The following PIEZO2 variants were observed in gnomAD, a reference collection of about 807,000 sequenced individuals.
The protein encoded by PIEZO2 is piezo-type mechanosensitive ion channel component 2.
A neutral mutation model predicts 337.3 loss-of-function variants in PIEZO2; 172 were observed. The ratio of observed to expected loss-of-function variants is 0.51; its 90% CI spans 0.45 to 0.58. The LOEUF (loss-of-function observed/expected upper bound fraction) is 0.58. Among genes scored for constraint, PIEZO2 ranks in the 20% least tolerant of loss-of-function variants. PIEZO2 has a pLI of 0.00. For missense variants in PIEZO2, 3,028 were observed against 3,391.3 expected, an observed-to-expected ratio of 0.89 and a Z score of 2.66; for synonymous variants, 1,251 against 1,228.5, an observed-to-expected ratio of 1.02 and a Z score of -0.38.
intron 5 of PIEZO2, among the ~76,000 whole-genome samples, chr18:10,860,877 A>AAAATC (rs1568138769): frequency 6.6e-6 from 1 of 152,218 alleles, no homozygotes; most frequent in Non-Finnish European, 1.5e-5. Context: ...GATTTTTATA[A>AAAATC]ACATACCACT....
chr18:10,876,643 A>C (rs886696334), intron 4 of PIEZO2, among the ~76,000 whole-genome samples: 4 of 152,202 alleles, frequency 2.6e-5, no homozygotes, highest in African/African-American at 4.8e-5. Flanking sequence ...TGAGAATTAG[A>C]AATAGTCTAG....
rs1287115342 is a variant in PIEZO2 at position 11,131,900 on chromosome 18, G to C, written c.64+16625C>G. 6.6e-6 allele frequency among the ~76,000 whole-genome samples: 1 copy of C among 152,162 alleles called. No homozygotes were observed. The highest frequency in any genetic ancestry group is 1.5e-5 in the Non-Finnish European group (1 of 68,030). On this transcript the variant is annotated intron_variant, in intron 1 of 55. Coordinates refer to ENST00000674853, the MANE Select transcript of PIEZO2 (RefSeq NM_001378183.1). The surrounding 1 kb of genome is among the most constrained non-coding windows in gnomAD (Gnocchi z 5.3). The stretch of plus-strand genomic sequence containing the variant: ...AGCCTCTTTCCCCAGCCACCCAATG[G>C]GCCCATGAACAAAGGGGCCATGGTG...
At position 10,828,920 on chromosome 18, in the gene PIEZO2, C is replaced by T. The variant is rs1055833881; in HGVS notation, c.918-21646G>A. 8.5e-5 allele frequency among the ~76,000 whole-genome samples: 13 copies of T among 152,174 alleles called. No individual in the cohort carries two copies. The highest frequency in any genetic ancestry group is 2.9e-4 in the African/African-American group (12 of 41,430). On this transcript the variant is annotated intron_variant, in intron 7 of 55. Coordinates refer to ENST00000674853, the MANE Select transcript of PIEZO2 (RefSeq NM_001378183.1). The surrounding 1 kb of genome is among the most constrained non-coding windows in gnomAD (Gnocchi z 4.1). The stretch of plus-strand genomic sequence containing the variant: ...TTGCTGCTGGTTCATGCTGCTGCTT[C>T]CTCCAGGAAGCCTTTCCTCAGCATG...
At chr18:10,967,203 GA>G (rs1303273298) in intron 3 of PIEZO2, among the ~76,000 whole-genome samples, 2 of 151,794 alleles carry the variant, frequency 1.3e-5, no homozygotes, top group African/African-American at 4.8e-5. Context: ...ATTTTCAGTA[GA>G]GACAAGATTT....
At position 10,676,749 on chromosome 18, in the gene PIEZO2, A is replaced by C. The variant is rs987081766; in HGVS notation, c.8081+998T>G. Among the ~76,000 whole-genome samples the C allele has an allele frequency of 6.6e-6, 1 of 152,186 alleles. No homozygotes were observed. The highest frequency in any genetic ancestry group is 2.4e-5 in the African/African-American group (1 of 41,436). On this transcript the variant is annotated intron_variant, in intron 53 of 55. Coordinates refer to ENST00000674853, the MANE Select transcript of PIEZO2 (RefSeq NM_001378183.1). This position sits in a 1 kb window ranked among gnomAD's most constrained non-coding sequence, Gnocchi z 5.1. ...ATGTGCTTGACACTAGTGGCTCCCTAAGAAGGAACCTTGAGCCCCACCTCT... is the reference window on the plus strand; with the variant it reads ...ATGTGCTTGACACTAGTGGCTCCCTCAGAAGGAACCTTGAGCCCCACCTCT...
chr18:10,742,018 G>A (rs1028602238), intron 32 of PIEZO2, among the ~76,000 whole-genome samples: 1 of 152,222 alleles, frequency 6.6e-6, no homozygotes. Context: ...AGCCGGGCGT[G>A]GTGGCGGGCA....
chr18:10,959,906 T>C (rs1255466248), intron 3 of PIEZO2, among the ~76,000 whole-genome samples: 1 of 152,180 alleles, frequency 6.6e-6, no homozygotes, highest in Non-Finnish European at 1.5e-5. Flanking sequence ...AAGAAAGAAA[T>C]AGAGACAGCT....
chr18:10,800,348 T>C lies in PIEZO2; in HGVS notation c.1367A>G (p.Asp456Gly). The C allele has an allele frequency of 6.5e-7, 1 of 1,535,116 alleles. No individual in the cohort carries two copies. Among genetic ancestry groups the C allele is most frequent in the East Asian group, 2.5e-5 (1 of 40,698 alleles). ...STPQYRWEPS[D>G]ESSEKREEEE... Reference sequence around the variant, plus strand: ...GGGCTGGCTCCTACCTGAGGATTCATCAGAGGGCTCCCACCGGTACTGAGG... The same window carrying C: ...GGGCTGGCTCCTACCTGAGGATTCACCAGAGGGCTCCCACCGGTACTGAGG... Residue 456 changes from aspartate to glycine, a missense_variant, in exon 11 of 56, where the codon GAT (aspartate) becomes GGT (glycine). This residue lies in a region of PIEZO2 where 542 missense variants were observed against 605.6 expected (regional missense o/e 0.89). Transcript: ENST00000674853.
chr18:10,718,083 A>G (rs2036087225), intron 37 of PIEZO2, 117 bp downstream of exon 37: 1 of 875,406 alleles, frequency 1.1e-6, no homozygotes. Flanking sequence ...TTATTTACTC[A>G]TAGTCCAGAA....
intron 20 of PIEZO2, 130 bp from the exon 21 acceptor site, chr18:10,770,438 C>G: frequency 1.2e-6 from 1 of 864,774 alleles, no homozygotes; most frequent in Non-Finnish European, 1.7e-6. Context: ...CTAAGAAAAC[C>G]AAAATCTGGA....
chr18:10,729,355 G>T (rs2036670854), intron 36 of PIEZO2, among the ~76,000 whole-genome samples: 1 of 152,148 alleles, frequency 6.6e-6, no homozygotes, highest in Non-Finnish European at 1.5e-5. Flanking sequence ...GCCGGGCACA[G>T]TGGCTCACGC....
intron 9 of PIEZO2, among the ~76,000 whole-genome samples, chr18:10,802,855 C>T (rs1422491905): frequency 6.6e-6 from 1 of 151,880 alleles, no homozygotes; most frequent in African/African-American, 2.4e-5. Flanking sequence ...GCCTGTAGTC[C>T]CAGCTACTTG....
rs2042100834 is a variant in PIEZO2, at chr18:10,870,006, G to T, written c.492+1247C>A. Among the ~76,000 whole-genome samples the T allele has an allele frequency of 6.6e-6, 1 of 152,050 alleles. No homozygotes were observed. Among genetic ancestry groups the T allele is most frequent in the Non-Finnish European group, 1.5e-5 (1 of 68,018 alleles). On this transcript the variant is annotated intron_variant, in intron 5 of 55. Transcript: ENST00000674853. The surrounding 1 kb of genome is among the most constrained non-coding windows in gnomAD (Gnocchi z 5.3). ...TTCTCCTGCCTCAGCTTCCTGAGTA[G>T]CTAGAATTACAGGCAAGCACCATCA...
At position 10,781,079 on chromosome 18, in the gene PIEZO2, A is replaced by G. The variant is rs2038965470; in HGVS notation, c.2493-713T>C. Among the ~76,000 whole-genome samples, 1 of 152,112 alleles carries G rather than the reference A, an allele frequency of 6.6e-6. No homozygotes were observed. Among genetic ancestry groups the G allele is most frequent in the Non-Finnish European group, 1.5e-5 (1 of 68,016 alleles). On this transcript the variant is annotated intron_variant, in intron 17 of 55. Coordinates refer to ENST00000674853, the MANE Select transcript of PIEZO2 (RefSeq NM_001378183.1). The surrounding 1 kb of genome is among the most constrained non-coding windows in gnomAD (Gnocchi z 4.1). ...GCCATATTCAACATGTTGTTTTCTA[A>G]GGTTTTGCTAAAACTATAGTTTAAA...
chr18:10,805,739 T>C (rs1263359409), intron 8 of PIEZO2, among the ~76,000 whole-genome samples: 1 of 152,200 alleles, frequency 6.6e-6, no homozygotes, highest in African/African-American at 2.4e-5. Context: ...ATCAGTGGCC[T>C]AAAAGAAAGA....
chr18:10,891,371 T>C (rs979346843), intron 4 of PIEZO2, among the ~76,000 whole-genome samples: 2 of 152,182 alleles, frequency 1.3e-5, no homozygotes, highest in Non-Finnish European at 2.9e-5. Context: ...AGTAAAAAGT[T>C]TGACTACCAT....
In PIEZO2 at chr18:10,954,328, T is replaced by C. The variant is rs923925716; in HGVS notation, c.286+25207A>G. On this transcript the variant is annotated intron_variant, in intron 3 of 55. Coordinates refer to ENST00000674853, the MANE Select transcript of PIEZO2 (RefSeq NM_001378183.1). The surrounding 1 kb of genome is among the most constrained non-coding windows in gnomAD (Gnocchi z 4.2). ...TCCATGAACACAATGTATCTCTGCATTTATTTAGGGTTTGTTTCATTTATT... is the reference window on the plus strand; with the variant it reads ...TCCATGAACACAATGTATCTCTGCACTTATTTAGGGTTTGTTTCATTTATT... 3.9e-5 allele frequency among the ~76,000 whole-genome samples: 6 copies of C among 152,294 alleles called. No homozygotes were observed. The East Asian group carries it at 7.7e-4, about 20-fold the overall frequency.
In PIEZO2 at chr18:10,677,918, A is replaced by T. The variant is rs758934516; in HGVS notation, c.7953-43T>A. ...AAGCTTAATGTCAGTGATTATTCAG[A>T]AGTCTGGAAAAGAGATTTACAACAT... On this transcript the variant is annotated intron_variant, in intron 52 of 55. Transcript: ENST00000674853. This position sits in a 1 kb window ranked among gnomAD's most constrained non-coding sequence, Gnocchi z 4.1. The T allele has an allele frequency of 4.2e-5, 64 of 1,507,828 alleles. 1 individual carries two copies. The South Asian group carries it at 7.5e-4, about 18-fold the overall frequency. 93.4% of individuals were successfully genotyped at this position (1,507,828 alleles called of 1,614,324 possible).
At chr18:11,103,870 A>C (rs937447928) in intron 1 of PIEZO2, among the ~76,000 whole-genome samples, 9 of 151,564 alleles carry the variant, frequency 5.9e-5, no homozygotes. Flanking sequence ...CCAGGCTGGA[A>C]GTTGGAGTGC....
Sources: gnomAD v4.1 joint callset for allele counts (sites outside exome capture counted in the v4.1 genomes callset) on GRCh38, gnomAD v4.1.1 for gene constraint, gnomAD v4.1.1 regional missense constraint, Gnocchi (gnomAD v3.1) non-coding constraint, MANE v1.5 for transcripts, NCBI Gene and HGNC (gene_info 2026-07-23, HGNC 2026-07-21) for gene names.